The following SHISA9 variants were observed in gnomAD, a reference collection of about 807,000 sequenced individuals.
The protein encoded by SHISA9 is protein shisa-9.
In SHISA9, 13 loss-of-function variants were observed where a neutral mutation model predicts 38.0. The ratio of observed to expected loss-of-function variants is 0.34; its 90% CI spans 0.22 to 0.54. The LOEUF (loss-of-function observed/expected upper bound fraction) is 0.54, where lower values mean the gene tolerates loss of function less well. Among genes scored for constraint, SHISA9 ranks in the 20% least tolerant of loss-of-function variants. The pLI is 0.91. For missense variants in SHISA9, 538 were observed against 575.8 expected (o/e 0.93, Z 0.67); for synonymous variants, 275 against 242.0 (o/e 1.14, Z -1.27).
At chr16:13,491,707 C>G in the SHISA9 span, among the ~76,000 whole-genome samples, 3 of 150,758 alleles carry the variant, frequency 2.0e-5, no homozygotes, top group African/African-American at 7.3e-5. Context: ...CCAGGCTGGT[C>G]TCAAACTCCT....
the SHISA9 span, among the ~76,000 whole-genome samples, chr16:13,389,951 C>G: frequency 1.3e-5 from 2 of 152,052 alleles, no homozygotes; most frequent in African/African-American, 4.8e-5. Flanking sequence ...ATTCTTTTTT[C>G]CACTTACTTC....
the SHISA9 span, among the ~76,000 whole-genome samples, chr16:13,468,146 A>G: frequency 6.6e-6 from 1 of 152,234 alleles, no homozygotes; most frequent in African/African-American, 2.4e-5. Context: ...AATCTGCAGC[A>G]AGATCTCATT....
intron 2 of SHISA9, among the ~76,000 whole-genome samples, chr16:13,017,321 G>C (rs1240934816): frequency 5.9e-5 from 9 of 152,086 alleles, no homozygotes; most frequent in Admixed American, 3.3e-4. Flanking sequence ...TGCCCGGCCT[G>C]TTCTTCTGAA....
intron 2 of SHISA9, among the ~76,000 whole-genome samples, chr16:13,165,493 TAA>T (rs1485679817): frequency 6.6e-6 from 1 of 152,220 alleles, no homozygotes; most frequent in Non-Finnish European, 1.5e-5. Context: ...AAGAGTTATT[TAA>T]TAAATAGTAG....
At chr16:13,558,188 C>G in the SHISA9 span, among the ~76,000 whole-genome samples, 2 of 152,198 alleles carry the variant, frequency 1.3e-5, no homozygotes, top group Non-Finnish European at 2.9e-5. Context: ...GGGCTAATCA[C>G]TATCTCTCTC....
At chr16:13,131,443 A>C (rs1309408889) in intron 2 of SHISA9, among the ~76,000 whole-genome samples, 2 of 152,076 alleles carry the variant, frequency 1.3e-5, no homozygotes, top group Non-Finnish European at 2.9e-5. Flanking sequence ...GCAGGGGTGG[A>C]CAACACACAC....
intron 2 of SHISA9, among the ~76,000 whole-genome samples, chr16:12,972,138 G>A (rs1003579026): frequency 1.3e-5 from 2 of 149,484 alleles, no homozygotes; most frequent in East Asian, 3.9e-4. Flanking sequence ...ATAAATAAAG[G>A]TAAATAAAAA....
chr16:13,115,043 C>T (rs2141971303), intron 2 of SHISA9, among the ~76,000 whole-genome samples: 1 of 152,232 alleles, frequency 6.6e-6, no homozygotes, highest in East Asian at 1.9e-4. Flanking sequence ...TCTATCTCTT[C>T]ATCACCATTA....
chr16:13,508,385 T>C, the SHISA9 span, among the ~76,000 whole-genome samples: 1 of 152,358 alleles, frequency 6.6e-6, no homozygotes, highest in African/African-American at 2.4e-5. Flanking sequence ...AATATTTTGC[T>C]ATTGGAAATA....
intron 2 of SHISA9, among the ~76,000 whole-genome samples, chr16:12,988,960 A>G (rs1438570849): frequency 2.0e-5 from 3 of 152,196 alleles, no homozygotes; most frequent in Non-Finnish European, 4.4e-5. Flanking sequence ...GCATAATTCC[A>G]CTTACTGTTT....
At chr16:12,911,438 T>A in intron 1 of SHISA9, 4 of 952,920 alleles carry the variant, frequency 4.2e-6, no homozygotes, top group Non-Finnish European at 5.0e-6. Flanking sequence ...TTTATAAGCA[T>A]ATGCATGAAC....
At chr16:13,040,061 C>G (rs537713982) in intron 2 of SHISA9, among the ~76,000 whole-genome samples, 19 of 152,156 alleles carry the variant, frequency 1.2e-4, no homozygotes, top group Admixed American at 4.6e-4. Context: ...AAGTCAAGGC[C>G]TCCTCCCAGA....
At chr16:13,330,490 G>A in the SHISA9 span, among the ~76,000 whole-genome samples, 3 of 152,246 alleles carry the variant, frequency 2.0e-5, no homozygotes, top group South Asian at 6.2e-4. Context: ...TGTAGTTTCT[G>A]GGATAGCGTT....
intron 2 of SHISA9, among the ~76,000 whole-genome samples, chr16:13,118,875 G>A (rs1456578273): frequency 3.3e-5 from 5 of 151,852 alleles, no homozygotes; most frequent in East Asian, 1.9e-4. Context: ...GATTACAGGC[G>A]CCCTCCACCA....
At chr16:13,192,644 G>A (rs575900210) in intron 2 of SHISA9, among the ~76,000 whole-genome samples, 55 of 152,250 alleles carry the variant, frequency 3.6e-4, no homozygotes, top group South Asian at 8.3e-4. Context: ...AACAGGCCGA[G>A]GCGGGTGGAT....
At chr16:13,184,394 G>A (rs1004958414) in intron 2 of SHISA9, among the ~76,000 whole-genome samples, 1 of 152,152 alleles carries the variant, frequency 6.6e-6, no homozygotes, top group Non-Finnish European at 1.5e-5. Context: ...AGCTCTCACC[G>A]TTTCTGGAAC....
the SHISA9 span, among the ~76,000 whole-genome samples, chr16:13,489,817 T>C: frequency 6.6e-6 from 1 of 152,154 alleles, no homozygotes; most frequent in Non-Finnish European, 1.5e-5. Context: ...ATTACATAAA[T>C]GGGGAAACTG....
At chr16:13,347,802 A>AT in the SHISA9 span, among the ~76,000 whole-genome samples, 1 of 149,772 alleles carries the variant, frequency 6.7e-6, no homozygotes, top group Non-Finnish European at 1.5e-5. Context: ...GAGCTCCTCA[A>AT]TTTTTTTTCT....
intron 2 of SHISA9, among the ~76,000 whole-genome samples, chr16:12,980,073 G>C (rs1245801641): frequency 1.3e-5 from 2 of 152,128 alleles, no homozygotes; most frequent in African/African-American, 4.8e-5. Flanking sequence ...CTTTGAGTAG[G>C]GTTTTGCGAC....
Sources: gnomAD v4.1 joint callset for allele counts (sites outside exome capture counted in the v4.1 genomes callset) on GRCh38, gnomAD v4.1.1 for gene constraint, MANE v1.5 for transcripts, NCBI Gene and HGNC (gene_info 2026-07-23, HGNC 2026-07-21) for gene names.